FTCDNL1: variants seen among roughly 807,000 people sequenced by gnomAD.
FTCDNL1 encodes the protein formiminotransferase N-terminal subdomain-containing protein.
FTCDNL1 carries 11 observed loss-of-function variants against 5.9 expected under a neutral mutation model. The observed-to-expected ratio is 1.87, with a 90% confidence interval of 1.18 to 3.10. The LOEUF is 3.10. Ranked by LOEUF, FTCDNL1 falls within the 30% of genes most tolerant of loss-of-function variation. The pLI is 0.00. For synonymous variants in FTCDNL1, 58 were observed against 24.8 expected, an observed-to-expected ratio of 2.34 and a Z score of -3.99; for missense variants, 115 against 65.5, an observed-to-expected ratio of 1.76 and a Z score of -2.61.
At chr2:199,774,221 C>A (rs1267780728) in intron 3 of FTCDNL1, among the ~76,000 whole-genome samples, 1 of 152,166 alleles carries the variant, frequency 6.6e-6, no homozygotes, top group African/African-American at 2.4e-5. Context: ...ATGCAACCAG[C>A]ATTTTTGTCA....
downstream of FTCDNL1, among the ~76,000 whole-genome samples, chr2:199,809,155 C>T (rs1320909785): frequency 2.0e-5 from 3 of 151,884 alleles, no homozygotes; most frequent in Non-Finnish European, 4.4e-5. Flanking sequence ...AATTGGAATT[C>T]CAGAATAATA....
the FTCDNL1 span, among the ~76,000 whole-genome samples, chr2:199,694,313 C>T: frequency 2.4e-4 from 37 of 152,262 alleles, no homozygotes; most frequent in East Asian, 7.1e-3. Context: ...TTCTGTTCTA[C>T]AAGTGCAGAT....
At chr2:199,801,672 C>T (rs1370798064) in intron 3 of FTCDNL1, among the ~76,000 whole-genome samples, 8 of 149,914 alleles carry the variant, frequency 5.3e-5, no homozygotes, top group East Asian at 2.0e-4. Flanking sequence ...AGGAATAGGC[C>T]GGGCACGGTG....
At chr2:199,778,344 T>A (rs546618529) in intron 3 of FTCDNL1, among the ~76,000 whole-genome samples, 2 of 152,180 alleles carry the variant, frequency 1.3e-5, no homozygotes, top group Non-Finnish European at 2.9e-5. Flanking sequence ...ACTGGGAACA[T>A]GGTAGAAACA....
downstream of FTCDNL1, among the ~76,000 whole-genome samples, chr2:199,806,606 C>G (rs1179294075): frequency 6.6e-6 from 1 of 152,146 alleles, no homozygotes; most frequent in Non-Finnish European, 1.5e-5. Flanking sequence ...CAGAGCAAGG[C>G]TTTTCATTAT....
intron 3 of FTCDNL1, among the ~76,000 whole-genome samples, chr2:199,798,982 G>A (rs1700309660): frequency 6.6e-6 from 1 of 152,208 alleles, no homozygotes; most frequent in Admixed American, 6.5e-5. Context: ...GGGTGAGTCT[G>A]TGAGGAAATC....
Position 199,811,871 on chromosome 2 carries a change from G to A in FTCDNL1, c.*834C>T, listed in dbSNP as rs997111410. On this transcript the variant is annotated 3_prime_UTR_variant, in exon 5 of 5. Transcript: ENST00000420128. Reference sequence around the variant, plus strand: ...TTAGACATAAGCCCTAAGGACAAGAGTTCAATAAAGAACATGACACGTACA... The same window carrying A: ...TTAGACATAAGCCCTAAGGACAAGAATTCAATAAAGAACATGACACGTACA... Among the ~76,000 whole-genome samples, 1 of 152,182 alleles carries A rather than the reference G, an allele frequency of 6.6e-6. No individual in the cohort carries two copies. The highest frequency in any genetic ancestry group is 6.5e-5 in the Admixed American group (1 of 15,282).
chr2:199,761,811 G>A (rs527506699), intron 3 of FTCDNL1, among the ~76,000 whole-genome samples: 64 of 152,284 alleles, frequency 4.2e-4, no homozygotes, highest in African/African-American at 1.5e-3. Flanking sequence ...GTCTTCACAT[G>A]TCTGTTCTGA....
intron 4 of FTCDNL1, among the ~76,000 whole-genome samples, chr2:199,817,074 T>C (rs1199872857): frequency 1.3e-5 from 2 of 152,234 alleles, no homozygotes; most frequent in Non-Finnish European, 2.9e-5. Context: ...TTCTAAAACA[T>C]CATGCTTGAG....
At chr2:199,682,905 A>G in the FTCDNL1 span, among the ~76,000 whole-genome samples, 2 of 152,220 alleles carry the variant, frequency 1.3e-5, no homozygotes, top group Admixed American at 1.3e-4. Flanking sequence ...CTTCTGTAGG[A>G]AATATTTTGG....
intron 3 of FTCDNL1, among the ~76,000 whole-genome samples, chr2:199,763,414 G>A (rs1698364015): frequency 6.6e-6 from 1 of 152,142 alleles, no homozygotes. Context: ...GAGGGGACAG[G>A]GGATTCCCTG....
At chr2:199,785,986 T>G (rs1211488743) in intron 3 of FTCDNL1, among the ~76,000 whole-genome samples, 2 of 152,150 alleles carry the variant, frequency 1.3e-5, no homozygotes, top group Non-Finnish European at 2.9e-5. Context: ...CCCCTACATG[T>G]GCAGTTCACA....
At chr2:199,769,293 CA>C (rs1698688341) in intron 3 of FTCDNL1, among the ~76,000 whole-genome samples, 1 of 152,160 alleles carries the variant, frequency 6.6e-6, no homozygotes, top group South Asian at 2.1e-4. Flanking sequence ...CCCCACATGT[CA>C]GGGGTGGGCC....
rs1700931261 is a variant in FTCDNL1 at position 199,809,803 on chromosome 2, A to C, written c.*2902T>G. 6.6e-6 allele frequency among the ~76,000 whole-genome samples: 1 copy of C among 152,178 alleles called. No individual in the cohort carries two copies. The highest frequency in any genetic ancestry group is 1.5e-5 in the Non-Finnish European group (1 of 68,032). On this transcript the variant is annotated 3_prime_UTR_variant, in exon 5 of 5. Transcript: ENST00000420128. ...TCTATATCTGGTTTATGAGCAGCAG[A>C]TCATCTTAAAAGTAGTAAGGCAAGA...
chr2:199,798,570 C>A (rs191496592), intron 3 of FTCDNL1, among the ~76,000 whole-genome samples: 1 of 152,180 alleles, frequency 6.6e-6, no homozygotes, highest in African/African-American at 2.4e-5. Context: ...TCCCTCACTT[C>A]CTTGAAAGAG....
intron 4 of FTCDNL1, among the ~76,000 whole-genome samples, chr2:199,815,556 T>C (rs1187675888): frequency 6.6e-6 from 1 of 152,124 alleles, no homozygotes; most frequent in Non-Finnish European, 1.5e-5. Flanking sequence ...AAAAAAAAGT[T>C]AGAAAAATAT....
the FTCDNL1 span, among the ~76,000 whole-genome samples, chr2:199,692,024 T>G: frequency 6.6e-6 from 1 of 152,240 alleles, no homozygotes; most frequent in Non-Finnish European, 1.5e-5. Context: ...CATTTTATAC[T>G]GTTATCTTAA....
chr2:199,722,687 G>T, the FTCDNL1 span, among the ~76,000 whole-genome samples: 6 of 152,154 alleles, frequency 3.9e-5, no homozygotes, highest in African/African-American at 1.4e-4. Context: ...GATGGGACTA[G>T]CATTGAATCT....
chr2:199,780,738 T>A (rs538680424), intron 3 of FTCDNL1, among the ~76,000 whole-genome samples: 2 of 152,178 alleles, frequency 1.3e-5, no homozygotes, highest in Admixed American at 1.3e-4. Context: ...ATATCACAAG[T>A]GGGCAGGGGA....
Sources: allele counts gnomAD v4.1 joint callset (sites outside exome capture counted in the v4.1 genomes callset), GRCh38; gene constraint gnomAD v4.1.1; transcripts MANE v1.5; gene names NCBI Gene and HGNC (gene_info 2026-07-23, HGNC 2026-07-21).